Variants in LNPK observed in about 807,000 individuals in gnomAD.
The protein encoded by LNPK is lunapark, ER junction formation factor.
A neutral mutation model predicts 55.2 loss-of-function variants in LNPK; 29 were observed. The observed-to-expected ratio is 0.53, with a 90% confidence interval of 0.39 to 0.72. The LOEUF is 0.72. LNPK is among the 30% of genes least tolerant of loss of function. The pLI is 0.00. For missense variants in LNPK, 467 were observed against 494.8 expected (o/e 0.94, Z 0.53); for synonymous variants, 162 against 168.2 (o/e 0.96, Z 0.29).
At chr2:175,940,938 C>T (rs1684806707) in intron 9 of LNPK, 1 of 453,524 alleles carries the variant, frequency 2.2e-6, no homozygotes, top group Admixed American at 2.4e-5. Flanking sequence ...AACTTTAAGA[C>T]ATAGCAATAG....
chr2:175,938,381 T>C lies in LNPK; in HGVS notation c.815A>G (p.Tyr272Cys), dbSNP rs537138957. The C allele has an allele frequency of 1.6e-5, 26 of 1,578,800 alleles. No individual in the cohort carries two copies. The highest frequency in any genetic ancestry group is 2.1e-5 in the Non-Finnish European group (24 of 1,154,954). ...AAAACACTGCTGACATATAAGTGCATACCTACACCGTAAGGAAAAATGAAC... is the reference window on the plus strand; with the variant it reads ...AAAACACTGCTGACATATAAGTGCACACCTACACCGTAAGGAAAAATGAAC... ...YLVGDGPQNR[Y>C]ALICQQCFSH... is the part of the protein sequence containing the mutation. The change falls in exon 11 of 13, where the codon TAT becomes TGT. Residue 272 changes from tyrosine (Y) to cysteine (C), a missense_variant and splice_region_variant. By Grantham distance (194) the Tyr-to-Cys change is radical. Coordinates refer to ENST00000272748, the MANE Select transcript of LNPK (RefSeq NM_030650.3).
At chr2:175,989,439 G>C (rs1248182281) in intron 4 of LNPK, among the ~76,000 whole-genome samples, 1 of 152,030 alleles carries the variant, frequency 6.6e-6, no homozygotes, top group Non-Finnish European at 1.5e-5. Flanking sequence ...GAAATGTCTA[G>C]AAAGTTATAA....
At chr2:175,930,235 T>C (rs1434736350) in intron 12 of LNPK, 36 bp from the exon 13 acceptor site, 50 of 1,579,216 alleles carry the variant, frequency 3.2e-5, no homozygotes, top group Non-Finnish European at 4.3e-5. Flanking sequence ...TAGGAATACC[T>C]GAACGTTAAA....
In LNPK at chr2:175,929,725, G is replaced by A. The variant is rs904864321; in HGVS notation, c.*242C>T. On this transcript the variant is annotated 3_prime_UTR_variant, in exon 13 of 13. Coordinates refer to ENST00000272748, the MANE Select transcript of LNPK (RefSeq NM_030650.3). ...AGAATGGACAAAAAAGTATCTAAAA[G>A]CTGTCTCAATAGTGTGGGTCTTTGT... 1.5e-6 allele frequency: 2 copies of A among 1,321,250 alleles called. No individual in the cohort carries two copies. Among genetic ancestry groups the A allele is most frequent in the Non-Finnish European group, 1.9e-6 (2 of 1,038,710 alleles). 81.8% of individuals were successfully genotyped at this position (1,321,250 alleles called of 1,614,324 possible). A position where few individuals can be genotyped will look rare whatever the true frequency, so the allele number is the denominator to read the frequency against.
intron 6 of LNPK, among the ~76,000 whole-genome samples, chr2:175,967,319 A>C (rs900614543): frequency 2.0e-5 from 3 of 152,114 alleles, no homozygotes; most frequent in African/African-American, 7.2e-5. Flanking sequence ...GTGATGAGTT[A>C]TATTTCTATA....
At chr2:175,944,889 G>T (rs927994005) in intron 9 of LNPK, among the ~76,000 whole-genome samples, 1 of 151,830 alleles carries the variant, frequency 6.6e-6, no homozygotes, top group Non-Finnish European at 1.5e-5. Context: ...GTAAATAAAA[G>T]TTAGGTTCTA....
chr2:175,933,378 A>G (rs1192078200), intron 12 of LNPK, among the ~76,000 whole-genome samples: 1 of 152,230 alleles, frequency 6.6e-6, no homozygotes, highest in Non-Finnish European at 1.5e-5. Flanking sequence ...AAAATTAAAT[A>G]ATAGTCTAGC....
chr2:175,964,387 C>G lies in LNPK; in HGVS notation c.478G>C (p.Ala160Pro). 6.2e-7 allele frequency: 1 copy of G among 1,613,208 alleles called. No individual in the cohort carries two copies. The highest frequency in any genetic ancestry group is 1.1e-5 in the South Asian group (1 of 91,052). Residue 160 changes from alanine (A) to proline (P), a missense_variant, in exon 8 of 13, where the codon GCA becomes CCA. Physicochemically the swap from Ala to Pro is conservative, Grantham distance 27. Coordinates refer to ENST00000272748, the MANE Select transcript of LNPK (RefSeq NM_030650.3). ...EPPSAGAAVTARPGQEIRQRT... is the reference protein window; with the variant it reads ...EPPSAGAAVTPRPGQEIRQRT... Reference sequence around the variant, plus strand: ...AGTTATTTACCTTGTCCAGGTCTTGCAGTTACAGCTGCTCCAGCAGATGGC... The same window carrying G: ...AGTTATTTACCTTGTCCAGGTCTTGGAGTTACAGCTGCTCCAGCAGATGGC...
intron 8 of LNPK, among the ~76,000 whole-genome samples, chr2:175,955,086 G>A (rs6706241): frequency 6.6e-6 from 1 of 152,114 alleles, no homozygotes; most frequent in Non-Finnish European, 1.5e-5. Context: ...AACTGGATTG[G>A]GATAGAAATG....
In LNPK at chr2:175,929,676, A is replaced by C; in HGVS notation, c.*291T>G. ...CGGGTTATACATACAGAAAACAAGA[A>C]GGCAATCATGTTTGCTTACTTTTAG... is the stretch of plus-strand genomic sequence containing the variant. On this transcript the variant is annotated 3_prime_UTR_variant, in exon 13 of 13. Coordinates refer to ENST00000272748, the MANE Select transcript of LNPK (RefSeq NM_030650.3). 4 of 1,181,100 alleles carry C rather than the reference A, an allele frequency of 3.4e-6. No homozygotes were observed. Among genetic ancestry groups the C allele is most frequent in the Non-Finnish European group, 3.1e-6 (3 of 953,500 alleles). 73.2% of individuals were successfully genotyped at this position (1,181,100 alleles called of 1,614,324 possible). A position where few individuals can be genotyped will look rare whatever the true frequency, so the allele number is the denominator to read the frequency against.
At chr2:175,953,947 T>C (rs925364804) in intron 8 of LNPK, among the ~76,000 whole-genome samples, 1 of 152,086 alleles carries the variant, frequency 6.6e-6, no homozygotes, top group African/African-American at 2.4e-5. Context: ...GACCCCTACT[T>C]TCCTTTTTCA....
chr2:175,946,015 T>C (rs1176611161), intron 9 of LNPK, among the ~76,000 whole-genome samples: 1 of 152,192 alleles, frequency 6.6e-6, no homozygotes, highest in African/African-American at 2.4e-5. Context: ...ATTAATCTTC[T>C]TTATAATAAA....
chr2:175,939,606 C>T lies in LNPK; in HGVS notation c.758G>A (p.Arg253Gln), dbSNP rs775063899. Reference sequence around the variant, plus strand: ...TTCAACAATTCTATCCAAAGCACCTCGTTCTCGGGGGAGAATAGGTCTTGC... The same window carrying T: ...TTCAACAATTCTATCCAAAGCACCTTGTTCTCGGGGGAGAATAGGTCTTGC... ...PLARPILPRE[R>Q]GALDRIVEYL... The change falls in exon 10 of 13, where the codon CGA becomes CAA. Residue 253 changes from arginine to glutamine, a missense_variant. Physicochemically the swap from Arg to Gln is conservative, Grantham distance 43. Coordinates refer to ENST00000272748, the MANE Select transcript of LNPK (RefSeq NM_030650.3). 8 of 1,608,762 alleles carry T rather than the reference C, an allele frequency of 5.0e-6. No homozygotes were observed. Among genetic ancestry groups the T allele is most frequent in the South Asian group, 4.4e-5 (4 of 90,498 alleles).
At chr2:175,984,006 T>C (rs1351575782) in intron 4 of LNPK, among the ~76,000 whole-genome samples, 3 of 151,192 alleles carry the variant, frequency 2.0e-5, no homozygotes, top group East Asian at 3.9e-4. Context: ...CAAGGTAAAG[T>C]GGTCTCAGAA....
intron 9 of LNPK, among the ~76,000 whole-genome samples, chr2:175,944,820 A>G (rs1176379244): frequency 6.6e-6 from 1 of 152,236 alleles, no homozygotes. Flanking sequence ...AAATAATCAC[A>G]AACTTAAAGG....
chr2:175,947,538 T>C lies in LNPK; in HGVS notation c.648A>G (p.Leu216=), dbSNP rs778961745. ...GATGTCTTGGTAACACATTTGATGA[T>C]AGGGCTGGAGTAACAGTCCTTTCTG... ...GPPERTVTPA[L]SSNVLPRHLG... The change falls in exon 9 of 13, where the codon CTA becomes CTG. Residue 216 remains leucine, a synonymous_variant. Transcript: ENST00000272748. The C allele has an allele frequency of 8.1e-6, 13 of 1,613,884 alleles. No homozygotes were observed. Among genetic ancestry groups the C allele is most frequent in the Non-Finnish European group, 1.1e-5 (13 of 1,179,974 alleles).
Position 175,938,331 on chromosome 2 carries a change from C to T in LNPK, c.865G>A (p.Glu289Lys). The T allele has an allele frequency of 6.3e-7, 1 of 1,596,378 alleles. No individual in the cohort carries two copies. Among genetic ancestry groups the T allele is most frequent in the Non-Finnish European group, 8.6e-7 (1 of 1,165,712 alleles). ...TTCTTACCAATGTATTCAAATTCTT[C>T]CTTCAAAGCCATGCCATTATGAGAA... The part of the protein sequence containing the change: ...CFSHNGMALK[E>K]EFEYIAFRCA... Residue 289 changes from glutamate (E) to lysine (K), a missense_variant, in exon 11 of 13, where the codon GAA becomes AAA. Physicochemically the swap from Glu to Lys is moderately conservative, Grantham distance 56. Coordinates refer to ENST00000272748, the MANE Select transcript of LNPK (RefSeq NM_030650.3).
chr2:175,939,745 T>C, intron 9 of LNPK, 88 bp from the exon 10 acceptor site: 1 of 575,168 alleles, frequency 1.7e-6, no homozygotes, highest in South Asian at 3.6e-5. Flanking sequence ...CTATACTTGT[T>C]AGAAATTTTA....
At chr2:175,932,049 T>C in intron 12 of LNPK, 1 of 391,356 alleles carries the variant, frequency 2.6e-6, no homozygotes. Flanking sequence ...CCACAAGAAA[T>C]GAAAAAACAA....
Sources: allele counts gnomAD v4.1 joint callset (sites outside exome capture counted in the v4.1 genomes callset), GRCh38; gene constraint gnomAD v4.1.1; transcripts MANE v1.5; gene names NCBI Gene and HGNC (gene_info 2026-07-23, HGNC 2026-07-21).